DOCK10: variants seen among roughly 807,000 people sequenced by gnomAD.
The protein encoded by DOCK10 is dedicator of cytokinesis protein 10.
DOCK10 carries 145 observed loss-of-function variants against 280.1 expected under a neutral mutation model. The observed-to-expected ratio is 0.52, with a 90% confidence interval of 0.45 to 0.59. DOCK10 has a LOEUF of 0.59. Among genes scored for constraint, DOCK10 ranks in the 20% least tolerant of loss-of-function variants. The pLI, the probability that DOCK10 is intolerant of heterozygous loss-of-function variation, is 0.00. For missense variants in DOCK10, 2,368 were observed against 2,651.7 expected, an observed-to-expected ratio of 0.89 and a Z score of 2.35; for synonymous variants, 915 against 942.2, an observed-to-expected ratio of 0.97 and a Z score of 0.53.
intron 2 of DOCK10, among the ~76,000 whole-genome samples, chr2:224,917,866 C>T (rs1214126517): frequency 6.6e-6 from 1 of 152,174 alleles, no homozygotes; most frequent in East Asian, 1.9e-4. Flanking sequence ...CTGTGCACCT[C>T]AGTAGTTACA....
intron 1 of DOCK10, chr2:224,983,862 T>C (rs375205): frequency 0.73 from 343,959 of 470,956 alleles, 126,927 homozygotes; most frequent in African/African-American, 0.88. Context: ...GTCCCCTAAC[T>C]CCCTCTGGAC....
intron 2 of DOCK10, among the ~76,000 whole-genome samples, chr2:224,922,253 A>G (rs1464602478): frequency 6.6e-6 from 1 of 152,248 alleles, no homozygotes; most frequent in Non-Finnish European, 1.5e-5. Flanking sequence ...GAATACAAAG[A>G]AAACTGTAAA....
chr2:224,927,803 C>T (rs1033840561), intron 2 of DOCK10, among the ~76,000 whole-genome samples: 1 of 151,744 alleles, frequency 6.6e-6, no homozygotes, highest in African/African-American at 2.4e-5. Flanking sequence ...TTAAACAAAC[C>T]GAGTAATGAA....
At chr2:224,913,870 G>A (rs2125924025) in intron 3 of DOCK10, among the ~76,000 whole-genome samples, 1 of 152,194 alleles carries the variant, frequency 6.6e-6, no homozygotes, top group South Asian at 2.1e-4. Flanking sequence ...TGGGACTACA[G>A]GCACCCGCCA....
chr2:224,797,240 C>T (rs1692644335), intron 42 of DOCK10, 94 bp from the exon 43 acceptor site: 8 of 947,008 alleles, frequency 8.4e-6, no homozygotes, highest in South Asian at 6.3e-5. Context: ...CAAAATCCCT[C>T]TCCTTTTTTT....
At chr2:224,967,233 C>T (rs1052506665) in intron 1 of DOCK10, among the ~76,000 whole-genome samples, 1 of 152,176 alleles carries the variant, frequency 6.6e-6, no homozygotes, top group Non-Finnish European at 1.5e-5. Flanking sequence ...GGGCCCACCA[C>T]CATGTCCGGC....
At chr2:224,856,728 T>G in intron 15 of DOCK10, 132 bp downstream of exon 15, 3 of 774,370 alleles carry the variant, frequency 3.9e-6, no homozygotes, top group Non-Finnish European at 5.8e-6. Flanking sequence ...TGGGCATATG[T>G]GAAGTCACCT....
At position 224,993,202 on chromosome 2, in the gene DOCK10, G is replaced by GTTTTTTTTTTTT. The variant is rs112976099; in HGVS notation, c.123+49038_123+49049dup. 9.8e-3 allele frequency among the ~76,000 whole-genome samples: 1,326 copies of GTTTTTTTTTTTT among 135,936 alleles called. 13 individuals are homozygous for GTTTTTTTTTTTT. The highest frequency in any genetic ancestry group is 0.016 in the Middle Eastern group (4 of 254). 89.2% of individuals were successfully genotyped at this position (135,936 alleles called of 152,430 possible). A position where few individuals can be genotyped will look rare whatever the true frequency, so the allele number is the denominator to read the frequency against. ...AGACTCAGATGGTCTTTCTTTGGAA[G>GTTTTTTTTTTTT]TTTTTTTTTTTTTTTTGCTGTCCAA... On this transcript the variant is annotated intron_variant, in intron 1 of 55. Coordinates refer to ENST00000258390, the MANE Select transcript of DOCK10 (RefSeq NM_014689.3).
intron 1 of DOCK10, among the ~76,000 whole-genome samples, chr2:224,941,560 C>T (rs181223623): frequency 6.6e-6 from 1 of 152,162 alleles, no homozygotes; most frequent in East Asian, 1.9e-4. Context: ...CCTGGTGGCT[C>T]AGGCCGGGTG....
intron 33 of DOCK10, 80 bp downstream of exon 33, chr2:224,807,588 T>C (rs1693479260): frequency 1.1e-6 from 1 of 907,650 alleles, no homozygotes; most frequent in South Asian, 1.6e-5. Flanking sequence ...TGAGAAGAAA[T>C]GGTTATCCAG....
intron 14 of DOCK10, among the ~76,000 whole-genome samples, chr2:224,858,513 C>T (rs549200506): frequency 7.0e-4 from 106 of 152,176 alleles, no homozygotes; most frequent in Admixed American, 2.0e-3. Context: ...AAAAATTAGC[C>T]GGGCATGGTG....
chr2:224,901,354 T>C (rs956442802), intron 3 of DOCK10, among the ~76,000 whole-genome samples: 1 of 152,190 alleles, frequency 6.6e-6, no homozygotes, highest in African/African-American at 2.4e-5. Context: ...CCTCATCCCC[T>C]TTCAACTGGA....
chr2:224,820,383 AC>A (rs752163315), intron 28 of DOCK10, among the ~76,000 whole-genome samples: 8 of 152,334 alleles, frequency 5.3e-5, no homozygotes, highest in Non-Finnish European at 1.0e-4. Context: ...GGAGGAAGGG[AC>A]CATAGTTCCC....
intron 1 of DOCK10, among the ~76,000 whole-genome samples, 175 bp from the exon 2 acceptor site, chr2:224,931,843 A>G (rs970134736): frequency 6.6e-6 from 1 of 152,192 alleles, no homozygotes; most frequent in Non-Finnish European, 1.5e-5. Context: ...TTATTTCCAG[A>G]TTTGAAATAA....
intron 2 of DOCK10, among the ~76,000 whole-genome samples, chr2:224,926,070 G>GCC (rs1702030284): frequency 6.6e-6 from 1 of 152,146 alleles, no homozygotes; most frequent in African/African-American, 2.4e-5. Flanking sequence ...AATTATTGAA[G>GCC]CAGTACAAGT....
chr2:224,912,456 A>G (rs1322373883), intron 3 of DOCK10, among the ~76,000 whole-genome samples: 1 of 152,128 alleles, frequency 6.6e-6, no homozygotes, highest in East Asian at 1.9e-4. Flanking sequence ...TACTAAAAAT[A>G]TATTCTAACT....
intron 11 of DOCK10, among the ~76,000 whole-genome samples, 174 bp from the exon 12 acceptor site, chr2:224,865,261 G>A (rs1037952857): frequency 6.6e-6 from 1 of 152,188 alleles, no homozygotes; most frequent in Non-Finnish European, 1.5e-5. Context: ...TCCCAGTACT[G>A]TATCTCATTG....
chr2:224,907,414 G>A (rs770730421), intron 3 of DOCK10, among the ~76,000 whole-genome samples: 18 of 152,308 alleles, frequency 1.2e-4, no homozygotes, highest in Non-Finnish European at 2.2e-4. Flanking sequence ...AGGGCCAGGC[G>A]CGGTGGCTCA....
intron 2 of DOCK10, among the ~76,000 whole-genome samples, chr2:224,930,035 T>C (rs1702248938): frequency 6.6e-6 from 1 of 151,838 alleles, no homozygotes; most frequent in African/African-American, 2.4e-5. Context: ...ACCCCATCTC[T>C]ACTAAAATTA....
Sources: allele counts gnomAD v4.1 joint callset (sites outside exome capture counted in the v4.1 genomes callset), GRCh38; gene constraint gnomAD v4.1.1; transcripts MANE v1.5; gene names NCBI Gene and HGNC (gene_info 2026-07-23, HGNC 2026-07-21).